The following RIMS1 variants were observed in gnomAD, a reference collection of about 807,000 sequenced individuals.
The protein encoded by RIMS1 is regulating synaptic membrane exocytosis 1, also known as regulating synaptic membrane exocytosis protein 1.
RIMS1 carries 83 observed loss-of-function variants against 214.1 expected under a neutral mutation model. The ratio of observed to expected loss-of-function variants is 0.39; its 90% CI spans 0.32 to 0.47. RIMS1 has a LOEUF of 0.47. Ranked by LOEUF, RIMS1 falls within the 20% of genes least tolerant of loss-of-function variation. The pLI is 0.99. For missense variants in RIMS1, 2,050 were observed against 2,161.8 expected (o/e 0.95, Z 1.03); for synonymous variants, 793 against 786.8 (o/e 1.01, Z -0.13).
At chr6:71,910,630 A>G (rs1008911149) in intron 1 of RIMS1, among the ~76,000 whole-genome samples, 2 of 152,070 alleles carry the variant, frequency 1.3e-5, no homozygotes, top group Non-Finnish European at 2.9e-5. Flanking sequence ...TACTTCATAT[A>G]TGTTTTTTGG....
intron 10 of RIMS1, among the ~76,000 whole-genome samples, chr6:72,244,503 AT>A (rs1018901176): frequency 1.3e-5 from 2 of 151,800 alleles, no homozygotes; most frequent in Non-Finnish European, 3.0e-5. Flanking sequence ...TATGAGGCTG[AT>A]TTTTTAAGAA....
At position 71,901,277 on chromosome 6, in the gene RIMS1, A is replaced by G. The variant is rs977376909; in HGVS notation, c.164+14090A>G. 3.9e-5 allele frequency among the ~76,000 whole-genome samples: 6 copies of G among 152,122 alleles called. No individual in the cohort carries two copies. The South Asian group carries it at 1.2e-3, about 31-fold the overall frequency. ...ATTCCTAGATATTTATATAAGAAAAATGAGAACATACACTGACAAAAAGAC... is the reference window on the plus strand; with the variant it reads ...ATTCCTAGATATTTATATAAGAAAAGTGAGAACATACACTGACAAAAAGAC... On this transcript the variant is annotated intron_variant, in intron 1 of 33. Transcript: ENST00000521978.
chr6:72,158,090 T>G lies in RIMS1; in HGVS notation c.472-21485T>G, dbSNP rs1457219245. 2.8e-5 allele frequency among the ~76,000 whole-genome samples: 4 copies of G among 140,918 alleles called. 1 individual carries two copies. Among genetic ancestry groups the G allele is most frequent in the Admixed American group, 2.2e-4 (3 of 13,720 alleles). 92.4% of individuals were successfully genotyped at this position (140,918 alleles called of 152,430 possible). A position where few individuals can be genotyped will look rare whatever the true frequency, so the allele number is the denominator to read the frequency against. On this transcript the variant is annotated intron_variant, in intron 4 of 33. Coordinates refer to ENST00000521978, the MANE Select transcript of RIMS1 (RefSeq NM_014989.7). ...GTTTGTCATCAATATTCATTTATAT[T>G]TACCAACTGTTGCTGTTTATTCTTT...
At chr6:72,298,842 C>T (rs2094350949) in intron 26 of RIMS1, among the ~76,000 whole-genome samples, 1 of 151,932 alleles carries the variant, frequency 6.6e-6, no homozygotes, top group South Asian at 2.1e-4. Context: ...AATTGCCATA[C>T]AGATAACAAA....
intron 1 of RIMS1, among the ~76,000 whole-genome samples, chr6:71,908,544 A>G (rs923031066): frequency 1.3e-5 from 2 of 152,196 alleles, no homozygotes; most frequent in Non-Finnish European, 2.9e-5. Flanking sequence ...GGGTGCAGTC[A>G]ACTTCTCTAA....
chr6:72,379,494 A>T (rs867094696), intron 29 of RIMS1, among the ~76,000 whole-genome samples: 13 of 152,362 alleles, frequency 8.5e-5, no homozygotes, highest in Middle Eastern at 3.4e-3. Context: ...TTGCAGCTTA[A>T]TTTTACGGCA....
intron 4 of RIMS1, among the ~76,000 whole-genome samples, chr6:72,170,632 C>T (rs535217302): frequency 6.6e-6 from 1 of 152,294 alleles, no homozygotes; most frequent in East Asian, 1.9e-4. Flanking sequence ...CTGCACCCAG[C>T]CTACCATTAT....
In RIMS1 at chr6:72,398,386, TATTTAATAGGCAAAC is replaced by T. The variant is rs760319343; in HGVS notation, c.4720+38_4720+52del. 3 of 1,227,682 alleles carry T rather than the reference TATTTAATAGGCAAAC, an allele frequency of 2.4e-6. No individual in the cohort carries two copies. The East Asian group carries it at 7.3e-5, about 30-fold the overall frequency. 76.0% of individuals were successfully genotyped at this position (1,227,682 alleles called of 1,614,324 possible). ...GTATTCCTGAATTTGGTGAAGGGAC[TATTTAATAGGCAAAC>T]AAATAAAAACATTTGCTGCATTTGA... is the stretch of plus-strand genomic sequence containing the variant. On this transcript the variant is annotated intron_variant, in intron 32 of 33. Coordinates refer to ENST00000521978, the MANE Select transcript of RIMS1 (RefSeq NM_014989.7).
At chr6:72,367,761 T>G (rs375417250) in intron 29 of RIMS1, among the ~76,000 whole-genome samples, 37 of 152,270 alleles carry the variant, frequency 2.4e-4, no homozygotes, top group African/African-American at 7.9e-4. Context: ...CTATCCATAT[T>G]TATCAGTAAC....
At chr6:71,998,036 A>G (rs1009023768) in intron 2 of RIMS1, among the ~76,000 whole-genome samples, 2 of 152,148 alleles carry the variant, frequency 1.3e-5, no homozygotes, top group African/African-American at 4.8e-5. Context: ...ATTGGCATCT[A>G]AAATGTTTAA....
intron 1 of RIMS1, among the ~76,000 whole-genome samples, chr6:71,955,976 TTATA>T (rs1157609616): frequency 6.6e-6 from 1 of 152,108 alleles, no homozygotes; most frequent in Non-Finnish European, 1.5e-5. Flanking sequence ...CTACTTAATG[TTATA>T]TATAAGAGGA....
At chr6:71,912,761 C>T (rs1055586851) in intron 1 of RIMS1, among the ~76,000 whole-genome samples, 2 of 152,008 alleles carry the variant, frequency 1.3e-5, no homozygotes, top group Non-Finnish European at 2.9e-5. Flanking sequence ...GGTACTGAAT[C>T]ATATTGCCCA....
intron 6 of RIMS1, among the ~76,000 whole-genome samples, chr6:72,201,021 A>C (rs1159407950): frequency 6.6e-6 from 1 of 152,130 alleles, no homozygotes; most frequent in African/African-American, 2.4e-5. Flanking sequence ...GACCAAAAAA[A>C]GTCTCCTTGA....
At chr6:71,940,846 A>G (rs532003004) in intron 1 of RIMS1, among the ~76,000 whole-genome samples, 2 of 152,296 alleles carry the variant, frequency 1.3e-5, no homozygotes, top group East Asian at 3.9e-4. Flanking sequence ...GATGGCTCCC[A>G]GGTCCTTGAA....
chr6:72,217,265 T>C (rs1439230684), intron 6 of RIMS1: 3 of 1,504,010 alleles, frequency 2.0e-6, no homozygotes, highest in Non-Finnish European at 2.7e-6. Context: ...TATATTAATC[T>C]ATGGATAAAT....
At chr6:72,053,043 A>G (rs557359910) in intron 2 of RIMS1, among the ~76,000 whole-genome samples, 1 of 152,324 alleles carries the variant, frequency 6.6e-6, no homozygotes, top group African/African-American at 2.4e-5. Flanking sequence ...TACTTCCTGA[A>G]GTGAACCTTC....
chr6:72,323,033 C>T (rs959022645), intron 28 of RIMS1, among the ~76,000 whole-genome samples: 10 of 152,018 alleles, frequency 6.6e-5, no homozygotes, highest in Admixed American at 3.9e-4. Flanking sequence ...TTCAAGTTCC[C>T]ATAGTTAGAG....
intron 2 of RIMS1, among the ~76,000 whole-genome samples, chr6:72,086,289 A>G (rs1295060267): frequency 1.3e-5 from 2 of 152,192 alleles, no homozygotes; most frequent in East Asian, 1.9e-4. Flanking sequence ...CTAGAATAGC[A>G]TATTATATTC....
chr6:72,275,168 A>T (rs2085682834), intron 23 of RIMS1, among the ~76,000 whole-genome samples: 7 of 26,590 alleles, frequency 2.6e-4, no homozygotes, highest in South Asian at 1.2e-3. Flanking sequence ...ATATATATAT[A>T]TATATATATA....
Sources: gnomAD v4.1 joint callset for allele counts (sites outside exome capture counted in the v4.1 genomes callset) on GRCh38, gnomAD v4.1.1 for gene constraint, MANE v1.5 for transcripts, NCBI Gene and HGNC (gene_info 2026-07-23, HGNC 2026-07-21) for gene names.